The following ZMYND12 variants were observed in gnomAD, a reference collection of about 807,000 sequenced individuals.
The protein encoded by ZMYND12 is zinc finger MYND domain-containing protein 12.
ZMYND12 carries 32 observed loss-of-function variants against 41.7 expected under a neutral mutation model. That is an observed-to-expected ratio of 0.77 (90% confidence interval 0.58 to 1.03). The LOEUF (loss-of-function observed/expected upper bound fraction) is 1.03, where lower values mean the gene tolerates loss of function less well. ZMYND12 is among the 50% of genes least tolerant of loss of function. ZMYND12 has a pLI of 0.00. For synonymous variants in ZMYND12, 148 were observed against 164.8 expected (o/e 0.90, Z 0.78); for missense variants, 424 against 438.5 (o/e 0.97, Z 0.30).
intron 3 of ZMYND12, among the ~76,000 whole-genome samples, chr1:42,446,341 G>A (rs919666472): frequency 6.6e-6 from 1 of 152,116 alleles, no homozygotes; most frequent in Non-Finnish European, 1.5e-5. Context: ...ATAGACTAGT[G>A]GTCATAGAGA....
intron 7 of ZMYND12, among the ~76,000 whole-genome samples, chr1:42,432,060 C>CTTT (rs111394001): frequency 0.22 from 28,963 of 132,816 alleles, 4,211 homozygotes; most frequent in Non-Finnish European, 0.31. Context: ...TTTTCTTTTT[C>CTTT]TTTTTTTTTT....
intron 3 of ZMYND12, 34 bp from the exon 4 acceptor site, chr1:42,440,059 T>C: frequency 3.2e-6 from 5 of 1,557,376 alleles, no homozygotes; most frequent in Non-Finnish European, 4.3e-6. Flanking sequence ...TTATAATTCA[T>C]ATCCAGGCCA....
chr1:42,435,317 T>A lies in ZMYND12; in HGVS notation c.786A>T (p.Gln262His). The A allele has an allele frequency of 6.2e-7, 1 of 1,614,032 alleles. No homozygotes were observed. The highest frequency in any genetic ancestry group is 8.5e-7 in the Non-Finnish European group (1 of 1,179,932). The change falls in exon 6 of 8, where the codon CAA becomes CAT. Residue 262 changes from glutamine (Q) to histidine (H), a missense_variant. Transcript: ENST00000372565. ...CAAATAGTTTGCCCAGTAAATCCATTTGTTGGATGTGAGCCTGTGAGAGGA... is the reference window on the plus strand; with the variant it reads ...CAAATAGTTTGCCCAGTAAATCCATATGTTGGATGTGAGCCTGTGAGAGGA... ...YQVLSQAHIQ[Q>H]MDLLGKLFEN... is the part of the protein sequence containing the mutation.
chr1:42,446,704 G>A (rs1643028085), intron 3 of ZMYND12, among the ~76,000 whole-genome samples: 1 of 151,776 alleles, frequency 6.6e-6, no homozygotes, highest in Admixed American at 6.6e-5. Flanking sequence ...TGTAATGTGT[G>A]TATACGTACA....
chr1:42,436,240 G>C (rs1642906940), intron 5 of ZMYND12, among the ~76,000 whole-genome samples, 181 bp downstream of exon 5: 1 of 152,168 alleles, frequency 6.6e-6, no homozygotes, highest in African/African-American at 2.4e-5. Flanking sequence ...TGGTAGTGGA[G>C]ACACTGGAAG....
rs766500736 is a variant in ZMYND12 at position 42,439,928 on chromosome 1, C to A, written c.522G>T (p.Leu174=). 2 of 1,614,078 alleles carry A rather than the reference C, an allele frequency of 1.2e-6. No homozygotes were observed. Among genetic ancestry groups the A allele is most frequent in the East Asian group, 2.2e-5 (1 of 44,878 alleles). ...TATAGAGAAGTCCCAGATTCCGATG[C>A]AGTAAAGAGTGGGTGGCATTACTAC... is the stretch of plus-strand genomic sequence containing the variant. ...TDCSNATHSL[L]HRNLGLLYIA... is the part of the protein sequence containing the mutation. Residue 174 remains leucine, a synonymous_variant, in exon 4 of 8, where the codon CTG becomes CTT. Coordinates refer to ENST00000372565, the MANE Select transcript of ZMYND12 (RefSeq NM_032257.5).
chr1:42,434,159 T>A (rs549129346), intron 6 of ZMYND12, among the ~76,000 whole-genome samples: 1 of 152,312 alleles, frequency 6.6e-6, no homozygotes, highest in Admixed American at 6.5e-5. Context: ...TTATTGCCTA[T>A]AGGTTCTATA....
chr1:42,441,690 G>T (rs951656946), intron 3 of ZMYND12, among the ~76,000 whole-genome samples: 1 of 151,640 alleles, frequency 6.6e-6, no homozygotes, highest in Non-Finnish European at 1.5e-5. Flanking sequence ...GCGGGATCTC[G>T]GCTCACTGCA....
At chr1:42,432,462 C>T (rs984170727) in intron 7 of ZMYND12, among the ~76,000 whole-genome samples, 21 of 152,132 alleles carry the variant, frequency 1.4e-4, no homozygotes, top group African/African-American at 4.8e-4. Flanking sequence ...AGATAGGAAA[C>T]GTATGGATCA....
At chr1:42,430,989 G>A in intron 7 of ZMYND12, 131 bp from the exon 8 acceptor site, 1 of 1,300,288 alleles carries the variant, frequency 7.7e-7, no homozygotes, top group Non-Finnish European at 1.0e-6. Flanking sequence ...CTGAGCTCTT[G>A]TTGATAAACC....
Position 42,430,615 on chromosome 1 carries a change from C to A in ZMYND12, c.*121G>T. 7.5e-7 allele frequency: 1 copy of A among 1,325,574 alleles called. No individual in the cohort carries two copies. The highest frequency in any genetic ancestry group is 1.0e-6 in the Non-Finnish European group (1 of 965,028). 82.1% of individuals were successfully genotyped at this position (1,325,574 alleles called of 1,614,324 possible). On this transcript the variant is annotated 3_prime_UTR_variant, in exon 8 of 8. Coordinates refer to ENST00000372565, the MANE Select transcript of ZMYND12 (RefSeq NM_032257.5). ...AAAAATAACAGCTATGTGTGCAATC[C>A]CAGGGGAAGAGGGTGGAAACTTCAG...
intron 5 of ZMYND12, among the ~76,000 whole-genome samples, 180 bp downstream of exon 5, chr1:42,436,241 A>T (rs1456766237): frequency 6.6e-6 from 1 of 152,166 alleles, no homozygotes; most frequent in African/African-American, 2.4e-5. Context: ...GGTAGTGGAG[A>T]CACTGGAAGA....
intron 4 of ZMYND12, 145 bp downstream of exon 4, chr1:42,439,711 C>A: frequency 1.1e-6 from 1 of 874,274 alleles, no homozygotes; most frequent in Non-Finnish European, 1.7e-6. Flanking sequence ...TGTGTTATGG[C>A]TAACATCCCA....
At chr1:42,444,873 TCTC>T (rs1474627266) in intron 3 of ZMYND12, among the ~76,000 whole-genome samples, 1 of 146,562 alleles carries the variant, frequency 6.8e-6, no homozygotes, top group Non-Finnish European at 1.5e-5. Context: ...AGTGGTGCGA[TCTC>T]CTCTCACTGT....
At chr1:42,442,234 A>G (rs183629519) in intron 3 of ZMYND12, among the ~76,000 whole-genome samples, 50 of 152,280 alleles carry the variant, frequency 3.3e-4, no homozygotes, top group Admixed American at 1.9e-3. Flanking sequence ...TCTGGAACCA[A>G]TGTGGAGGAG....
chr1:42,448,636 C>A lies in ZMYND12; in HGVS notation c.255G>T (p.Lys85Asn). ...TGGTGTAGCAGAATTCAATCAAATA[C>A]TTCTGTGGAAGAGAGAAACAGACTA... Reference protein sequence around the residue: ...HGLQQLQQRQKYLIEFCYTIA... With the variant: ...HGLQQLQQRQNYLIEFCYTIA... The change falls in exon 3 of 8, where the codon AAG (lysine) becomes AAT (asparagine). Residue 85 changes from lysine (K) to asparagine (N), a missense_variant and splice_region_variant. Transcript: ENST00000372565. The A allele has an allele frequency of 6.2e-7, 1 of 1,607,144 alleles. No individual in the cohort carries two copies. Among genetic ancestry groups the A allele is most frequent in the Non-Finnish European group, 8.5e-7 (1 of 1,176,376 alleles).
intron 3 of ZMYND12, among the ~76,000 whole-genome samples, chr1:42,447,770 A>G (rs1376617569): frequency 6.6e-6 from 1 of 152,166 alleles, no homozygotes; most frequent in African/African-American, 2.4e-5. Context: ...GGTGGCTATT[A>G]AAACATATGA....
rs201605987 is a variant in ZMYND12 at position 42,433,165 on chromosome 1, T to G, written c.953A>C (p.Tyr318Ser). ...FVLKILVMFY[Y>S]LMMNSSKAQE... ...TGCCTTTGAAGAATTCATCATCAGGTAGTAAAACATGACCAGGATCTTCAG... is the reference window on the plus strand; with the variant it reads ...TGCCTTTGAAGAATTCATCATCAGGGAGTAAAACATGACCAGGATCTTCAG... The change falls in exon 7 of 8, where the codon TAC becomes TCC. Residue 318 changes from tyrosine (Y) to serine (S), a missense_variant. Physicochemically the swap from Tyr to Ser is moderately radical, Grantham distance 144 (BLOSUM62 -2). Coordinates refer to ENST00000372565, the MANE Select transcript of ZMYND12 (RefSeq NM_032257.5). 1.3e-4 allele frequency: 208 copies of G among 1,610,594 alleles called. No homozygotes were observed. Among genetic ancestry groups the G allele is most frequent in the Non-Finnish European group, 1.7e-4 (199 of 1,178,818 alleles).
chr1:42,449,773 T>C, intron 2 of ZMYND12, 145 bp downstream of exon 2: 1 of 872,566 alleles, frequency 1.1e-6, no homozygotes, highest in Non-Finnish European at 1.7e-6. Context: ...ACAGACTGGA[T>C]GGTGTTGAGG....
Sources: allele counts gnomAD v4.1 joint callset (sites outside exome capture counted in the v4.1 genomes callset), GRCh38; gene constraint gnomAD v4.1.1; transcripts MANE v1.5; gene names NCBI Gene and HGNC (gene_info 2026-07-23, HGNC 2026-07-21).